Variants in DENND4A observed in about 807,000 individuals in gnomAD.
The protein encoded by DENND4A is DENN domain containing 4A.
A neutral mutation model predicts 199.3 loss-of-function variants in DENND4A; 70 were observed. That is an observed-to-expected ratio of 0.35 (90% CI 0.29 to 0.43). The LOEUF is 0.43. Ranked by LOEUF, DENND4A falls within the 20% of genes least tolerant of loss-of-function variation. The pLI, the probability that DENND4A is intolerant of heterozygous loss-of-function variation, is 1.00. For missense variants in DENND4A, 1,723 were observed against 2,255.8 expected, an observed-to-expected ratio of 0.76 and a Z score of 4.78; for synonymous variants, 686 against 766.9, an observed-to-expected ratio of 0.89 and a Z score of 1.74.
intron 7 of DENND4A, among the ~76,000 whole-genome samples, chr15:65,735,136 G>A (rs571168388): frequency 8.6e-5 from 13 of 151,850 alleles, no homozygotes; most frequent in African/African-American, 2.7e-4. Flanking sequence ...TCAGCACTTC[G>A]GGAGGCCAAG....
intron 30 of DENND4A, 144 bp from the exon 31 acceptor site, chr15:65,664,866 G>A: frequency 1.4e-6 from 1 of 695,478 alleles, no homozygotes; most frequent in African/African-American, 1.8e-5. Flanking sequence ...ATCCAAGAAT[G>A]AAGAAAGCAA....
At chr15:65,761,584 A>T (rs761916920) in intron 1 of DENND4A, 146 bp from the exon 2 acceptor site, 5 of 152,320 alleles carry the variant, frequency 3.3e-5, no homozygotes, top group Non-Finnish European at 5.9e-5. Context: ...AAGAGCCAAT[A>T]AGCAATTTTT....
intron 11 of DENND4A, among the ~76,000 whole-genome samples, chr15:65,728,770 T>C (rs907293891): frequency 6.6e-6 from 1 of 152,154 alleles, no homozygotes; most frequent in African/African-American, 2.4e-5. Flanking sequence ...ATTACAGGCA[T>C]GAGCCACCGC....
intron 1 of DENND4A, among the ~76,000 whole-genome samples, chr15:65,764,968 T>A (rs2076943507): frequency 8.0e-6 from 1 of 124,500 alleles, no homozygotes. Flanking sequence ...CGAGACCCTG[T>A]CTCCAAAAAA....
At position 65,696,439 on chromosome 15, in the gene DENND4A, T is replaced by C. The variant is rs2077148154; in HGVS notation, c.3009A>G (p.Gln1003=). ...TGAGGCGAACGATACTGGAAGAATT[T>C]TGATAACTGAGCTTAGGAAGGCAAT... ...SADCLPKLSY[Q]NSSSIVRLTG... is the part of the protein sequence containing the mutation. The change falls in exon 22 of 33, where the codon CAA becomes CAG. Residue 1003 remains glutamine (Q), a synonymous_variant. Transcript: ENST00000443035. The C allele has an allele frequency of 3.7e-6, 6 of 1,612,798 alleles. No homozygotes were observed. Among genetic ancestry groups the C allele is most frequent in the Admixed American group, 1.7e-5 (1 of 59,898 alleles).
chr15:65,774,242 G>A (rs958681428), intron 1 of DENND4A, among the ~76,000 whole-genome samples: 1 of 152,096 alleles, frequency 6.6e-6, no homozygotes, highest in Non-Finnish European at 1.5e-5. Flanking sequence ...TGTAATCCCA[G>A]CACTTTGGGA....
chr15:65,752,161 A>G (rs8033578), intron 4 of DENND4A, among the ~76,000 whole-genome samples: 133,312 of 133,320 alleles, frequency 1, 66,652 homozygotes, highest in Middle Eastern at 1. Context: ...TTTTAATTTA[A>G]AAAAAAGTAC....
chr15:65,737,059 G>A (rs1484371375), intron 7 of DENND4A, among the ~76,000 whole-genome samples: 3 of 151,942 alleles, frequency 2.0e-5, no homozygotes, highest in East Asian at 3.9e-4. Flanking sequence ...ATGTAAATAC[G>A]GTAAGGAAAT....
At chr15:65,760,032 C>T (rs141496258) in intron 2 of DENND4A, among the ~76,000 whole-genome samples, 169 of 152,182 alleles carry the variant, frequency 1.1e-3, no homozygotes, top group African/African-American at 3.9e-3. Context: ...ATTATTAGGT[C>T]AAAGGTTATA....
intron 11 of DENND4A, among the ~76,000 whole-genome samples, chr15:65,726,692 C>T (rs1167035205): frequency 6.6e-6 from 1 of 152,084 alleles, no homozygotes; most frequent in Non-Finnish European, 1.5e-5. Context: ...AATCGAAAAG[C>T]TTTAGGCTGT....
intron 1 of DENND4A, chr15:65,767,254 G>T (rs2077011193): frequency 6.6e-6 from 1 of 152,120 alleles, no homozygotes; most frequent in Non-Finnish European, 1.5e-5. Flanking sequence ...TAGTATAATT[G>T]AACAAACTGA....
intron 12 of DENND4A, among the ~76,000 whole-genome samples, chr15:65,718,711 T>C (rs1413907445): frequency 1.3e-5 from 2 of 151,626 alleles, no homozygotes; most frequent in African/African-American, 4.8e-5. Flanking sequence ...TTTGAAAATA[T>C]TTCAAAAACT....
intron 5 of DENND4A, among the ~76,000 whole-genome samples, chr15:65,740,405 T>C (rs191936525): frequency 2.0e-4 from 29 of 144,312 alleles, no homozygotes; most frequent in South Asian, 1.6e-3. Context: ...AGCGAAGGAG[T>C]TCAAGAGCAA....
intron 23 of DENND4A, among the ~76,000 whole-genome samples, chr15:65,684,822 T>C (rs1013845991): frequency 6.7e-6 from 1 of 148,922 alleles, no homozygotes; most frequent in African/African-American, 2.5e-5. Context: ...CTTCCAATTT[T>C]TTTTTTTTTT....
chr15:65,762,232 C>T (rs1305017000), intron 1 of DENND4A, among the ~76,000 whole-genome samples: 1 of 152,174 alleles, frequency 6.6e-6, no homozygotes, highest in Non-Finnish European at 1.5e-5. Context: ...GTCTCGAACT[C>T]CCAACCTCAG....
At chr15:65,758,559 G>A (rs546066833) in intron 2 of DENND4A, among the ~76,000 whole-genome samples, 4 of 152,114 alleles carry the variant, frequency 2.6e-5, no homozygotes, top group African/African-American at 9.7e-5. Context: ...AGATTCTCCC[G>A]CCTCAGCCTC....
chr15:65,743,366 T>C (rs2076307922), intron 4 of DENND4A, among the ~76,000 whole-genome samples: 1 of 152,208 alleles, frequency 6.6e-6, no homozygotes, highest in Admixed American at 6.5e-5. Flanking sequence ...TGGTCCCTCC[T>C]TGAGGCCTTT....
intron 11 of DENND4A, among the ~76,000 whole-genome samples, chr15:65,725,738 G>A (rs747268629): frequency 3.9e-5 from 6 of 151,962 alleles, no homozygotes; most frequent in Non-Finnish European, 5.9e-5. Flanking sequence ...AGAATAACAT[G>A]AGATAACTTA....
At chr15:65,740,418 T>C (rs1428235701) in intron 5 of DENND4A, among the ~76,000 whole-genome samples, 2 of 147,130 alleles carry the variant, frequency 1.4e-5, no homozygotes, top group African/African-American at 5.1e-5. Flanking sequence ...AAGAGCAACC[T>C]GGGCAATACA....
Sources: allele counts gnomAD v4.1 joint callset (sites outside exome capture counted in the v4.1 genomes callset), GRCh38; gene constraint gnomAD v4.1.1; transcripts MANE v1.5; gene names NCBI Gene and HGNC (gene_info 2026-07-23, HGNC 2026-07-21).